Variants in DOCK3 observed in about 807,000 individuals in gnomAD.
DOCK3 encodes the protein dedicator of cytokinesis protein 3.
A neutral mutation model predicts 265.6 loss-of-function variants in DOCK3; 60 were observed. That is an observed-to-expected ratio of 0.23 (90% CI 0.18 to 0.28). DOCK3 has a LOEUF of 0.28. DOCK3 is among the 10% of genes least tolerant of loss of function. The pLI, the probability that DOCK3 is intolerant of heterozygous loss-of-function variation, is 1.00. For missense variants in DOCK3, 1,981 were observed against 2,594.3 expected (o/e 0.76, Z 5.14); for synonymous variants, 881 against 938.0 (o/e 0.94, Z 1.11).
chr3:50,981,111 C>T (rs1369351126), intron 5 of DOCK3, among the ~76,000 whole-genome samples: 2 of 152,174 alleles, frequency 1.3e-5, no homozygotes, highest in East Asian at 3.8e-4. Flanking sequence ...TCCCTCTTAG[C>T]ACAGCTTTTG....
chr3:51,343,388 G>A (rs1413559215), intron 38 of DOCK3, among the ~76,000 whole-genome samples: 1 of 152,162 alleles, frequency 6.6e-6, no homozygotes, highest in Admixed American at 6.5e-5. Context: ...GCTGACAGTA[G>A]CTTCCAGTGA....
chr3:51,167,899 ACTC>A (rs2086485095), intron 12 of DOCK3, among the ~76,000 whole-genome samples: 1 of 151,942 alleles, frequency 6.6e-6, no homozygotes, highest in Non-Finnish European at 1.5e-5. Flanking sequence ...AGACAGTTGA[ACTC>A]CTTCACTTCC....
intron 4 of DOCK3, among the ~76,000 whole-genome samples, chr3:50,925,357 A>G (rs2108077133): frequency 6.6e-6 from 1 of 152,342 alleles, no homozygotes; most frequent in African/African-American, 2.4e-5. Context: ...TCAAAGTCAA[A>G]TAAATGACAA....
chr3:50,896,868 A>G (rs1324190902), intron 4 of DOCK3, among the ~76,000 whole-genome samples: 1 of 152,048 alleles, frequency 6.6e-6, no homozygotes, highest in Admixed American at 6.6e-5. Flanking sequence ...TTGTACTAGT[A>G]CCTTGTGTTT....
chr3:51,096,447 G>C lies in DOCK3; in HGVS notation c.746+6063G>C, dbSNP rs527884683. Among the ~76,000 whole-genome samples, 5 of 151,664 alleles carry C rather than the reference G, an allele frequency of 3.3e-5. No homozygotes were observed. The East Asian group carries it at 7.8e-4, about 24-fold the overall frequency. On this transcript the variant is annotated intron_variant, in intron 9 of 52. Coordinates refer to ENST00000266037, the MANE Select transcript of DOCK3 (RefSeq NM_004947.5). Reference sequence around the variant, plus strand: ...TTGATCAATTCGGCTATTGATACTTGTGTATGCTTCACGAAGTGAAGCTGT... The same window carrying C: ...TTGATCAATTCGGCTATTGATACTTCTGTATGCTTCACGAAGTGAAGCTGT...
At chr3:51,029,912 G>A (rs2079978140) in intron 5 of DOCK3, among the ~76,000 whole-genome samples, 1 of 151,890 alleles carries the variant, frequency 6.6e-6, no homozygotes, top group East Asian at 1.9e-4. Flanking sequence ...TGGCCACCTG[G>A]TTCTCTGTTC....
chr3:50,679,568 C>T (rs768775599), intron 1 of DOCK3, among the ~76,000 whole-genome samples: 1 of 152,046 alleles, frequency 6.6e-6, no homozygotes, highest in Non-Finnish European at 1.5e-5. Context: ...TCCTGTGGTG[C>T]AGGAAAAGAA....
intron 19 of DOCK3, among the ~76,000 whole-genome samples, chr3:51,233,195 T>C (rs754005063): frequency 1.3e-5 from 2 of 152,224 alleles, no homozygotes; most frequent in Non-Finnish European, 2.9e-5. Flanking sequence ...TAGTGTTGAA[T>C]CTATAGATTG....
intron 27 of DOCK3, among the ~76,000 whole-genome samples, chr3:51,297,960 T>C (rs974336790): frequency 6.6e-6 from 1 of 151,990 alleles, no homozygotes; most frequent in Non-Finnish European, 1.5e-5. Context: ...CAGTCCAGCC[T>C]GGGCAACAGA....
intron 1 of DOCK3, among the ~76,000 whole-genome samples, chr3:50,739,371 G>A (rs1029719082): frequency 6.6e-6 from 1 of 151,720 alleles, no homozygotes; most frequent in African/African-American, 2.4e-5. Flanking sequence ...CTTTTCATCT[G>A]TTTTTTCTCA....
At chr3:50,929,773 T>C (rs913818969) in intron 4 of DOCK3, among the ~76,000 whole-genome samples, 8 of 152,228 alleles carry the variant, frequency 5.3e-5, no homozygotes, top group Non-Finnish European at 1.0e-4. Flanking sequence ...TGAGATATTT[T>C]GATAAGACAT....
At chr3:50,886,209 T>TATATATA (rs10689032) in intron 3 of DOCK3, among the ~76,000 whole-genome samples, 2 of 141,818 alleles carry the variant, frequency 1.4e-5, no homozygotes, top group Non-Finnish European at 3.2e-5. Flanking sequence ...TATATATATA[T>TATATATA]TCCAGAGTTT....
chr3:51,020,232 G>GT (rs1000307530), intron 5 of DOCK3, among the ~76,000 whole-genome samples: 1 of 148,564 alleles, frequency 6.7e-6, no homozygotes, highest in Non-Finnish European at 1.5e-5. Flanking sequence ...ACAATGTTGA[G>GT]TTTTTTTTCA....
At chr3:51,352,661 A>T (rs2086082084) in intron 40 of DOCK3, among the ~76,000 whole-genome samples, 1 of 152,238 alleles carries the variant, frequency 6.6e-6, no homozygotes, top group Admixed American at 6.5e-5. Context: ...CATGCATACA[A>T]ATTTCCTCAG....
intron 10 of DOCK3, among the ~76,000 whole-genome samples, chr3:51,148,977 A>G (rs1179480411): frequency 1.3e-5 from 2 of 152,224 alleles, no homozygotes; most frequent in Non-Finnish European, 2.9e-5. Context: ...ATCCATGAGC[A>G]TGGAATATTC....
chr3:50,693,083 A>G (rs963983552), intron 1 of DOCK3, among the ~76,000 whole-genome samples: 1 of 152,144 alleles, frequency 6.6e-6, no homozygotes, highest in African/African-American at 2.4e-5. Flanking sequence ...TCATTGGTCT[A>G]TATAGTTCTG....
chr3:51,305,409 A>G (rs558223795), intron 27 of DOCK3, among the ~76,000 whole-genome samples: 7 of 152,302 alleles, frequency 4.6e-5, no homozygotes, highest in African/African-American at 1.2e-4. Flanking sequence ...TTCATGGTAT[A>G]TATTTTTCCA....
intron 9 of DOCK3, among the ~76,000 whole-genome samples, chr3:51,118,695 C>A (rs1041061196): frequency 6.6e-6 from 1 of 152,094 alleles, no homozygotes; most frequent in African/African-American, 2.4e-5. Context: ...TTGCATTGAT[C>A]CCTTTACCAT....
chr3:51,268,542 A>G (rs1308403168), intron 23 of DOCK3, among the ~76,000 whole-genome samples: 1 of 152,184 alleles, frequency 6.6e-6, no homozygotes, highest in Non-Finnish European at 1.5e-5. Flanking sequence ...AGCCTCTCTC[A>G]TGTCCAGTCA....
Sources: gnomAD v4.1 joint callset for allele counts (sites outside exome capture counted in the v4.1 genomes callset) on GRCh38, gnomAD v4.1.1 for gene constraint, MANE v1.5 for transcripts, NCBI Gene and HGNC (gene_info 2026-07-23, HGNC 2026-07-21) for gene names.